STK32B: variants seen among roughly 807,000 people sequenced by gnomAD.
STK32B encodes the protein serine/threonine kinase 32B.
STK32B carries 43 observed loss-of-function variants against 52.6 expected under a neutral mutation model. That is an observed-to-expected ratio of 0.82 (90% CI 0.64 to 1.05). The LOEUF (loss-of-function observed/expected upper bound fraction) is 1.05, where lower values mean the gene tolerates loss of function less well. Among genes scored for constraint, STK32B ranks in the 50% least tolerant of loss-of-function variants. The pLI is 0.00. For synonymous variants in STK32B, 238 were observed against 204.3 expected (o/e 1.17, Z -1.41); for missense variants, 621 against 534.6 (o/e 1.16, Z -1.59).
chr4:5,313,086 G>T (rs867501740), intron 3 of STK32B, among the ~76,000 whole-genome samples: 8 of 148,414 alleles, frequency 5.4e-5, no homozygotes, highest in African/African-American at 1.5e-4. Context: ...ATATTATTAG[G>T]TTGGAGCAAA....
chr4:5,309,667 T>A (rs6820089), intron 3 of STK32B, among the ~76,000 whole-genome samples: 19,411 of 152,110 alleles, frequency 0.13, 2,668 homozygotes, highest in African/African-American at 0.35. Flanking sequence ...GTGCCAAAAA[T>A]ACTGAATATT....
chr4:5,238,971 T>G (rs1019644186), intron 3 of STK32B, among the ~76,000 whole-genome samples: 2 of 152,190 alleles, frequency 1.3e-5, no homozygotes, highest in African/African-American at 4.8e-5. Flanking sequence ...CTTAATGCTT[T>G]TAGAGAGATT....
At chr4:5,479,118 TTTTTG>T (rs1297319932) in intron 11 of STK32B, among the ~76,000 whole-genome samples, 27 of 112,820 alleles carry the variant, frequency 2.4e-4, no homozygotes, top group African/African-American at 7.6e-4. Context: ...TTTGTTTTTG[TTTTTG>T]TTTTTTTTTT....
At chr4:5,182,634 T>G (rs1720449499) in intron 3 of STK32B, among the ~76,000 whole-genome samples, 1 of 152,044 alleles carries the variant, frequency 6.6e-6, no homozygotes, top group Non-Finnish European at 1.5e-5. Context: ...GCTATTTGTA[T>G]TTTTAGTAGA....
chr4:5,099,948 A>G (rs1713633884), intron 1 of STK32B, among the ~76,000 whole-genome samples: 1 of 151,990 alleles, frequency 6.6e-6, no homozygotes, highest in Non-Finnish European at 1.5e-5. Context: ...AGAAATCTGC[A>G]TCTTTATTTG....
chr4:5,274,979 C>G (rs576892785), intron 3 of STK32B, among the ~76,000 whole-genome samples: 1 of 152,336 alleles, frequency 6.6e-6, no homozygotes, highest in South Asian at 2.1e-4. Context: ...GAGCTGAACA[C>G]TAGTCACTGG....
At chr4:5,498,026 C>T (rs958112696) in intron 11 of STK32B, among the ~76,000 whole-genome samples, 1 of 152,098 alleles carries the variant, frequency 6.6e-6, no homozygotes, top group East Asian at 1.9e-4. Context: ...CCTTAGCCTC[C>T]TGCAAAGTGA....
At chr4:5,042,974 C>T in the STK32B span, among the ~76,000 whole-genome samples, 6 of 151,658 alleles carry the variant, frequency 4.0e-5, no homozygotes, top group Non-Finnish European at 8.8e-5. Flanking sequence ...GGCGCGGTGG[C>T]GGGCGCCTGT....
chr4:5,163,795 T>G (rs1471310234), intron 2 of STK32B, among the ~76,000 whole-genome samples: 1 of 152,164 alleles, frequency 6.6e-6, no homozygotes, highest in Non-Finnish European at 1.5e-5. Flanking sequence ...TTTCTGAAAT[T>G]CCAAACATTA....
intron 1 of STK32B, among the ~76,000 whole-genome samples, chr4:5,062,073 G>T (rs1184740210): frequency 3.9e-5 from 6 of 152,138 alleles, no homozygotes. Context: ...ACCAGAAGCA[G>T]AACTCCTCTC....
intron 11 of STK32B, among the ~76,000 whole-genome samples, chr4:5,478,787 A>G (rs1199621294): frequency 6.6e-6 from 1 of 152,190 alleles, no homozygotes; most frequent in East Asian, 1.9e-4. Context: ...GAGAGCCTCA[A>G]TCACCGGGCT....
intron 3 of STK32B, among the ~76,000 whole-genome samples, chr4:5,186,368 G>A (rs1038138210): frequency 3.3e-5 from 5 of 152,130 alleles, no homozygotes; most frequent in African/African-American, 4.8e-5. Context: ...AGCATCTGAC[G>A]TTCAGTAGAT....
intron 1 of STK32B, among the ~76,000 whole-genome samples, chr4:5,094,370 C>T (rs13120363): frequency 0.94 from 143,327 of 152,268 alleles, 68,047 homozygotes; most frequent in East Asian, 1. Context: ...AAGAAAATCA[C>T]TGGTTGGCAT....
intron 1 of STK32B, among the ~76,000 whole-genome samples, chr4:5,086,633 A>G (rs1052524416): frequency 6.6e-6 from 1 of 152,172 alleles, no homozygotes; most frequent in Non-Finnish European, 1.5e-5. Flanking sequence ...CCCTAGTAAG[A>G]TAAACTAAAA....
intron 6 of STK32B, among the ~76,000 whole-genome samples, chr4:5,444,472 C>T (rs1034449512): frequency 9.9e-5 from 15 of 152,184 alleles, no homozygotes; most frequent in Middle Eastern, 3.2e-3. Flanking sequence ...GCGCACTGTG[C>T]GCACACCCAC....
chr4:5,026,178 A>G, the STK32B span, among the ~76,000 whole-genome samples: 76 of 152,328 alleles, frequency 5.0e-4, no homozygotes, highest in Non-Finnish European at 4.4e-5. Context: ...TTTAAAAATC[A>G]TTTCAGGAGA....
intron 2 of STK32B, among the ~76,000 whole-genome samples, chr4:5,163,123 C>T (rs1718575109): frequency 6.6e-6 from 1 of 152,144 alleles, no homozygotes; most frequent in South Asian, 2.1e-4. Context: ...GCATTGAGGT[C>T]AGGCAGTAGC....
intron 3 of STK32B, among the ~76,000 whole-genome samples, chr4:5,192,777 G>A (rs976952061): frequency 7.2e-5 from 11 of 151,854 alleles, no homozygotes; most frequent in South Asian, 2.1e-4. Flanking sequence ...TACACAAGTC[G>A]TTCTTACCAG....
chr4:5,317,118 A>G (rs1244794456), intron 3 of STK32B, among the ~76,000 whole-genome samples: 2 of 32,576 alleles, frequency 6.1e-5, no homozygotes, highest in East Asian at 1.1e-3. Context: ...TAATATATAT[A>G]ATACATTATA....
Sources: allele counts gnomAD v4.1 joint callset (sites outside exome capture counted in the v4.1 genomes callset), GRCh38; gene constraint gnomAD v4.1.1; transcripts MANE v1.5; gene names NCBI Gene and HGNC (gene_info 2026-07-23, HGNC 2026-07-21).